Variants in CACNA2D3 observed in about 807,000 individuals in gnomAD.
CACNA2D3 encodes voltage-dependent calcium channel subunit alpha-2/delta-3.
CACNA2D3 carries 60 observed loss-of-function variants against 160.6 expected under a neutral mutation model. The ratio of observed to expected loss-of-function variants is 0.37; its 90% CI spans 0.30 to 0.46. CACNA2D3 has a LOEUF of 0.46. Among genes scored for constraint, CACNA2D3 ranks in the 20% least tolerant of loss-of-function variants. The probability of loss-of-function intolerance (pLI) is 1.00; values close to 1 mark genes in which losing one functional copy is unlikely to be tolerated. For synonymous variants in CACNA2D3, 558 were observed against 492.9 expected (o/e 1.13, Z -1.75); for missense variants, 1,205 against 1,365.0 (o/e 0.88, Z 1.85).
At chr3:54,982,108 T>TGTCCTGTG (rs1702521278) in intron 29 of CACNA2D3, among the ~76,000 whole-genome samples, 1 of 152,184 alleles carries the variant, frequency 6.6e-6, no homozygotes, top group Non-Finnish European at 1.5e-5. Flanking sequence ...AAGCTCCCCA[T>TGTCCTGTG]GTCCTGTGGT....
In CACNA2D3 at chr3:54,645,417, A is replaced by G. The variant is rs75703971; in HGVS notation, c.1167+3176A>G. On this transcript the variant is annotated intron_variant, in intron 11 of 37. Transcript: ENST00000474759. ...AAATTTTAGAGTTGTAGTTTCTCTCATAATAGGTTACACCTGGCAGTTTGG... is the reference window on the plus strand; with the variant it reads ...AAATTTTAGAGTTGTAGTTTCTCTCGTAATAGGTTACACCTGGCAGTTTGG... Among the ~76,000 whole-genome samples, 69 of 152,346 alleles carry G rather than the reference A, an allele frequency of 4.5e-4. No homozygotes were observed. The East Asian group carries it at 0.013, about 29-fold the overall frequency.
chr3:54,199,232 T>G (rs1701132859), intron 2 of CACNA2D3, among the ~76,000 whole-genome samples: 1 of 152,226 alleles, frequency 6.6e-6, no homozygotes, highest in Non-Finnish European at 1.5e-5. Flanking sequence ...TGGTTTCCTC[T>G]GTATCCCCAC....
rs144481422 is a variant in CACNA2D3 at position 54,483,520 on chromosome 3, G to A, written c.382-19972G>A. On this transcript the variant is annotated intron_variant, in intron 4 of 37. Coordinates refer to ENST00000474759, the MANE Select transcript of CACNA2D3 (RefSeq NM_018398.3). Reference sequence around the variant, plus strand: ...GAAGAGTTTATCCGTTTTCTCCAGAGCATTATCTCAAATGAAGTGTCAAGG... The same window carrying A: ...GAAGAGTTTATCCGTTTTCTCCAGAACATTATCTCAAATGAAGTGTCAAGG... Among the ~76,000 whole-genome samples the A allele has an allele frequency of 7.3e-4, 111 of 152,292 alleles. No individual in the cohort carries two copies. In the East Asian group the frequency reaches 0.019, roughly 26 times the overall value.
At chr3:54,461,260 A>G (rs1467012445) in intron 4 of CACNA2D3, among the ~76,000 whole-genome samples, 2,809 of 149,340 alleles carry the variant, frequency 0.019, 61 homozygotes, top group Middle Eastern at 0.028. Context: ...GTCTCTGCCC[A>G]GCTTTGGTAT....
intron 13 of CACNA2D3, among the ~76,000 whole-genome samples, chr3:54,769,302 A>G (rs1575466885): frequency 6.6e-6 from 1 of 152,272 alleles, no homozygotes; most frequent in East Asian, 1.9e-4. Context: ...AAGGTGACCC[A>G]GCTTGCAGTA....
At chr3:54,943,761 C>T (rs1701538330) in intron 27 of CACNA2D3, among the ~76,000 whole-genome samples, 1 of 152,138 alleles carries the variant, frequency 6.6e-6, no homozygotes, top group Non-Finnish European at 1.5e-5. Flanking sequence ...CTGTGTCATC[C>T]TATTTCAGTC....
chr3:54,413,881 C>T (rs1479573203), intron 4 of CACNA2D3, among the ~76,000 whole-genome samples: 1 of 143,582 alleles, frequency 7.0e-6, no homozygotes, highest in Admixed American at 7.0e-5. Context: ...TGGTTCCTTT[C>T]TGTTTCTTTT....
intron 11 of CACNA2D3, among the ~76,000 whole-genome samples, chr3:54,732,570 A>T (rs3864001): frequency 0.23 from 34,398 of 152,188 alleles, 4,084 homozygotes; most frequent in Admixed American, 0.29. Flanking sequence ...ATGGAAGGTC[A>T]TATTAATTTT....
intron 5 of CACNA2D3, among the ~76,000 whole-genome samples, chr3:54,539,234 C>G (rs1701933378): frequency 1.3e-5 from 2 of 152,162 alleles, no homozygotes; most frequent in African/African-American, 4.8e-5. Flanking sequence ...ATAATAGGAC[C>G]TTTATCATAG....
At chr3:54,795,234 T>A (rs140362571) in intron 13 of CACNA2D3, among the ~76,000 whole-genome samples, 4 of 152,282 alleles carry the variant, frequency 2.6e-5, no homozygotes, top group African/African-American at 7.2e-5. Context: ...AGGAGTTCCA[T>A]TTGGTTTTGG....
At chr3:54,278,863 T>C (rs1329346688) in intron 2 of CACNA2D3, among the ~76,000 whole-genome samples, 1 of 152,040 alleles carries the variant, frequency 6.6e-6, no homozygotes, top group Non-Finnish European at 1.5e-5. Flanking sequence ...AGGGATAGCA[T>C]TAGGAGAAAT....
At chr3:54,704,460 T>TA (rs67587264) in intron 11 of CACNA2D3, among the ~76,000 whole-genome samples, 2 of 140,778 alleles carry the variant, frequency 1.4e-5, no homozygotes, top group African/African-American at 5.3e-5. Context: ...CCTCTTTTTT[T>TA]TAATACCTGG....
At chr3:54,184,608 C>T (rs1445310051) in intron 2 of CACNA2D3, among the ~76,000 whole-genome samples, 1 of 152,188 alleles carries the variant, frequency 6.6e-6, no homozygotes, top group Non-Finnish European at 1.5e-5. Context: ...GGCTGGCTGA[C>T]ATGTGAAATG....
chr3:54,312,135 G>A (rs1388541522), intron 2 of CACNA2D3, among the ~76,000 whole-genome samples: 3 of 152,162 alleles, frequency 2.0e-5, no homozygotes, highest in Non-Finnish European at 4.4e-5. Context: ...GGATAGAGAA[G>A]CAGCCCATTT....
chr3:54,964,202 G>A (rs895866433), intron 27 of CACNA2D3, among the ~76,000 whole-genome samples: 4 of 152,078 alleles, frequency 2.6e-5, no homozygotes, highest in African/African-American at 4.8e-5. Context: ...TTTCTGGATC[G>A]GTTGTGTTCC....
chr3:54,752,023 T>C (rs143182838), intron 11 of CACNA2D3, among the ~76,000 whole-genome samples: 1 of 152,260 alleles, frequency 6.6e-6, no homozygotes, highest in East Asian at 1.9e-4. Context: ...TGTTTTTTGC[T>C]CTTCAGGAAC....
Position 54,759,068 on chromosome 3 carries a change from G to A in CACNA2D3, c.1247-5150G>A, listed in dbSNP as rs138660701. On this transcript the variant is annotated intron_variant, in intron 12 of 37. Coordinates refer to ENST00000474759, the MANE Select transcript of CACNA2D3 (RefSeq NM_018398.3). ...ATATCTCAGAAACACAAAGCACTGC[G>A]TTGCATATGGTTTATCACATGCAGT... Among the ~76,000 whole-genome samples, 462 of 152,282 alleles carry A rather than the reference G, an allele frequency of 3.0e-3. 4 individuals carry two copies. Among genetic ancestry groups the A allele is most frequent in the Non-Finnish European group, 3.7e-3 (250 of 68,022 alleles).
At chr3:54,843,103 AG>A (rs1203053235) in intron 16 of CACNA2D3, among the ~76,000 whole-genome samples, 1 of 151,356 alleles carries the variant, frequency 6.6e-6, no homozygotes, top group Non-Finnish European at 1.5e-5. Flanking sequence ...CTGGGATTAC[AG>A]GTGCCCGCCA....
chr3:54,562,559 T>A (rs1210029181), intron 5 of CACNA2D3, among the ~76,000 whole-genome samples: 1 of 152,158 alleles, frequency 6.6e-6, no homozygotes, highest in African/African-American at 2.4e-5. Context: ...AAAGGAAGTG[T>A]CTTTCAAGTA....
Sources: gnomAD v4.1 joint callset for allele counts (sites outside exome capture counted in the v4.1 genomes callset) on GRCh38, gnomAD v4.1.1 for gene constraint, MANE v1.5 for transcripts, NCBI Gene and HGNC (gene_info 2026-07-23, HGNC 2026-07-21) for gene names.